The following ESRP1 variants were observed in gnomAD, a reference collection of about 807,000 sequenced individuals.
The protein encoded by ESRP1 is epithelial splicing regulatory protein 1.
Under a neutral mutation model 81.7 loss-of-function variants are expected in ESRP1, and 33 were observed. That is an observed-to-expected ratio of 0.40 (90% CI 0.31 to 0.54). The LOEUF is 0.54. Ranked by LOEUF, ESRP1 falls within the 20% of genes least tolerant of loss-of-function variation. The pLI is 0.41. For synonymous variants in ESRP1, 320 were observed against 303.3 expected (o/e 1.06, Z -0.57); for missense variants, 672 against 833.1 (o/e 0.81, Z 2.38).
chr8:94,692,989 A>G (rs1449518094), intron 14 of ESRP1, among the ~76,000 whole-genome samples, 162 bp downstream of exon 14: 1 of 151,582 alleles, frequency 6.6e-6, no homozygotes, highest in African/African-American at 2.4e-5. Context: ...CACTGTGGGG[A>G]CCAACTTCAG....
chr8:94,678,168 AAT>A lies in ESRP1; in HGVS notation c.1652-32_1652-31del, dbSNP rs763487098. 7 of 1,609,126 alleles carry A rather than the reference AAT, an allele frequency of 4.4e-6. No homozygotes were observed. The Admixed American group carries it at 1.2e-4, about 27-fold the overall frequency. On this transcript the variant is annotated intron_variant, in intron 12 of 15. Transcript: ENST00000433389. ...TAGCACGTGCATGTCAGCTGTTACA[AAT>A]ATGTCTCAAAGAATCTCTCTTTGCA...
intron 13 of ESRP1, chr8:94,688,423 A>G: frequency 3.6e-6 from 1 of 277,378 alleles, no homozygotes; most frequent in South Asian, 4.5e-5. Flanking sequence ...TGAACCTCAC[A>G]GGCAAGTTAA....
At chr8:94,670,779 T>G (rs1819277619) in intron 10 of ESRP1, among the ~76,000 whole-genome samples, 1 of 152,246 alleles carries the variant, frequency 6.6e-6, no homozygotes, top group Non-Finnish European at 1.5e-5. Context: ...CTAGAAGATA[T>G]TCAAGATCTT....
In ESRP1 at chr8:94,658,057, G is replaced by A. The variant is rs147862542; in HGVS notation, c.491-4215G>A. Among the ~76,000 whole-genome samples the A allele has an allele frequency of 6.8e-3, 1,035 of 152,210 alleles. 13 individuals carry two copies. The highest frequency in any genetic ancestry group is 0.023 in the African/African-American group (949 of 41,522). On this transcript the variant is annotated intron_variant, in intron 4 of 15. Coordinates refer to ENST00000433389, the MANE Select transcript of ESRP1 (RefSeq NM_017697.4). ...CTCCTGAGTAGCTGGGATTATAGGC[G>A]TCCGCCACCACATCCGGCTAATTTT...
intron 10 of ESRP1, among the ~76,000 whole-genome samples, chr8:94,670,342 CTTG>C (rs1322167550): frequency 6.6e-6 from 1 of 152,058 alleles, no homozygotes; most frequent in Non-Finnish European, 1.5e-5. Flanking sequence ...ATTTTCTATT[CTTG>C]TTCTTCTAAT....
intron 14 of ESRP1, among the ~76,000 whole-genome samples, chr8:94,695,633 G>A (rs184718464): frequency 1.8e-3 from 265 of 147,606 alleles, no homozygotes; most frequent in African/African-American, 6.7e-3. Flanking sequence ...AAAGTGCTAG[G>A]ATTACAGGCA....
intron 4 of ESRP1, among the ~76,000 whole-genome samples, chr8:94,654,190 T>C (rs958606349): frequency 7.9e-5 from 12 of 152,074 alleles, no homozygotes; most frequent in Admixed American, 4.6e-4. Flanking sequence ...TGGTGGTGGG[T>C]ACCTGTAATC....
intron 4 of ESRP1, among the ~76,000 whole-genome samples, chr8:94,657,477 G>A (rs1281777617): frequency 2.5e-5 from 3 of 121,928 alleles, no homozygotes; most frequent in Non-Finnish European, 5.7e-5. Context: ...GTGTGCGTGT[G>A]TGTGTGTGTG....
rs553783653 is a variant in ESRP1, at chr8:94,664,575, G to T, written c.645-122G>T. ...GTTATAAGGAAAATCAAGTAGTATT[G>T]CTAGTCTGTCTGAACACCAAATAAT... On this transcript the variant is annotated intron_variant, in intron 6 of 15. Coordinates refer to ENST00000433389, the MANE Select transcript of ESRP1 (RefSeq NM_017697.4). 2.7e-5 allele frequency: 19 copies of T among 694,132 alleles called. No individual in the cohort carries two copies. In the African/African-American group the frequency reaches 3.0e-4, roughly 11 times the overall value. 43.0% of individuals were successfully genotyped at this position (694,132 alleles called of 1,614,324 possible).
chr8:94,677,763 G>C (rs781336400), intron 12 of ESRP1, among the ~76,000 whole-genome samples: 1 of 152,192 alleles, frequency 6.6e-6, no homozygotes, highest in Non-Finnish European at 1.5e-5. Flanking sequence ...CTTCTCATTT[G>C]ATGCTGTACT....
In ESRP1 at chr8:94,696,423, T is replaced by C. The variant is rs186204836; in HGVS notation, c.1972-429T>C. ...GAGAGAATTAGACTGATATTACAAA[T>C]ACATCTAACACTATCTAAAATTCAC... is the stretch of plus-strand genomic sequence containing the variant. On this transcript the variant is annotated intron_variant, in intron 14 of 15. Coordinates refer to ENST00000433389, the MANE Select transcript of ESRP1 (RefSeq NM_017697.4). 2.0e-5 allele frequency among the ~76,000 whole-genome samples: 3 copies of C among 152,370 alleles called. No homozygotes were observed. In the East Asian group the frequency reaches 5.8e-4, roughly 29 times the overall value.
chr8:94,651,896 C>A (rs1177688683), intron 4 of ESRP1, among the ~76,000 whole-genome samples: 1 of 152,036 alleles, frequency 6.6e-6, no homozygotes, highest in Non-Finnish European at 1.5e-5. Flanking sequence ...TAGGCGTGAG[C>A]CGCCACACTT....
At chr8:94,703,500 G>A (rs1004691460) in intron 15 of ESRP1, among the ~76,000 whole-genome samples, 7 of 152,062 alleles carry the variant, frequency 4.6e-5, no homozygotes, top group African/African-American at 9.7e-5. Context: ...AAAACGGTTC[G>A]AGAAGGCTAA....
chr8:94,704,542 T>C (rs6471466), intron 15 of ESRP1, among the ~76,000 whole-genome samples: 105,322 of 151,862 alleles, frequency 0.69, 37,972 homozygotes, highest in African/African-American at 0.91. Context: ...GGCAGGAGGA[T>C]TGCTCGAGGC....
At chr8:94,646,947 G>T (rs1043802999) in intron 4 of ESRP1, among the ~76,000 whole-genome samples, 13 of 152,116 alleles carry the variant, frequency 8.5e-5, no homozygotes, top group African/African-American at 3.1e-4. Flanking sequence ...TAATAAGCAG[G>T]CGTGTGCTAA....
At chr8:94,680,235 T>C (rs2130669424) in intron 13 of ESRP1, among the ~76,000 whole-genome samples, 1 of 152,268 alleles carries the variant, frequency 6.6e-6, no homozygotes, top group East Asian at 1.9e-4. Context: ...GCGTTATATA[T>C]AAGCTAATAC....
chr8:94,668,264 A>G lies in ESRP1; in HGVS notation c.1233+14A>G. ...GAAGTTCAGCAGGTTGGTTTTAAAA[A>G]CAAGTATGTTGTACCTTTGCATTAA... On this transcript the variant is annotated intron_variant, in intron 10 of 15. Coordinates refer to ENST00000433389, the MANE Select transcript of ESRP1 (RefSeq NM_017697.4). 6.4e-7 allele frequency: 1 copy of G among 1,561,798 alleles called. No homozygotes were observed. Among genetic ancestry groups the G allele is most frequent in the South Asian group, 1.2e-5 (1 of 82,814 alleles).
At chr8:94,678,768 A>G (rs73695510) in intron 13 of ESRP1, among the ~76,000 whole-genome samples, 2 of 152,216 alleles carry the variant, frequency 1.3e-5, no homozygotes, top group Non-Finnish European at 2.9e-5. Context: ...GTGAATAAAA[A>G]CTGTTGCTTT....
At position 94,665,212 on chromosome 8, in the gene ESRP1, A is replaced by G. The variant is rs982884779; in HGVS notation, c.931+16A>G. On this transcript the variant is annotated intron_variant, in intron 9 of 15. Transcript: ENST00000433389. The stretch of plus-strand genomic sequence containing the variant: ...ATTGCTGGTGGTAAGTGCCTTTTAC[A>G]TAATGTGGCTTTAGTTAATAAGAAT... The G allele has an allele frequency of 1.7e-5, 27 of 1,610,192 alleles. No homozygotes were observed. The Admixed American group carries it at 3.9e-4, about 23-fold the overall frequency.
Sources: gnomAD v4.1 joint callset for allele counts (sites outside exome capture counted in the v4.1 genomes callset) on GRCh38, gnomAD v4.1.1 for gene constraint, MANE v1.5 for transcripts, NCBI Gene and HGNC (gene_info 2026-07-23, HGNC 2026-07-21) for gene names.